The following ASH2L variants were observed in gnomAD, a reference collection of about 807,000 sequenced individuals.
The protein encoded by ASH2L is ASH2 like, histone lysine methyltransferase complex subunit.
In ASH2L, 30 loss-of-function variants were observed where a neutral mutation model predicts 81.1. The ratio of observed to expected loss-of-function variants is 0.37; its 90% CI spans 0.28 to 0.50. The LOEUF (loss-of-function observed/expected upper bound fraction) is 0.50, where lower values mean the gene tolerates loss of function less well. Ranked by LOEUF, ASH2L falls within the 20% of genes least tolerant of loss-of-function variation. The pLI is 0.95. For missense variants in ASH2L, 559 were observed against 792.1 expected, an observed-to-expected ratio of 0.71 and a Z score of 3.53; for synonymous variants, 273 against 279.9, an observed-to-expected ratio of 0.98 and a Z score of 0.24.
At chr8:38,106,242 C>G in intron 1 of ASH2L, 136 bp from the exon 2 acceptor site, 1 of 1,364,398 alleles carries the variant, frequency 7.3e-7, no homozygotes, top group South Asian at 1.2e-5. Context: ...CCTTGGGCAT[C>G]CAGTCTGAGA....
intron 9 of ASH2L, 53 bp downstream of exon 9, chr8:38,119,416 TG>T: frequency 1.4e-6 from 2 of 1,401,224 alleles, no homozygotes; most frequent in Non-Finnish European, 1.9e-6. Context: ...TATTTGGTGC[TG>T]GGAAAGTCCA....
intron 5 of ASH2L, 131 bp from the exon 6 acceptor site, chr8:38,114,061 A>G: frequency 1.7e-6 from 1 of 589,180 alleles, no homozygotes. Context: ...CTTGTATAAC[A>G]CCGTGGGGGG....
intron 9 of ASH2L, among the ~76,000 whole-genome samples, chr8:38,119,837 G>C (rs1811063908): frequency 6.6e-6 from 1 of 151,822 alleles, no homozygotes; most frequent in African/African-American, 2.4e-5. Flanking sequence ...AATAACCCCA[G>C]GCCGGGCACG....
rs1286314440 is a variant in ASH2L, at chr8:38,110,723, T to G, written c.491-16T>G. Reference sequence around the variant, plus strand: ...AGTACTACAGATAACTGTTTCTTCCTTTTTGTTTTTGATAGACTTGAAGGA... The same window carrying G: ...AGTACTACAGATAACTGTTTCTTCCGTTTTGTTTTTGATAGACTTGAAGGA... On this transcript the variant is annotated splice_polypyrimidine_tract_variant and intron_variant, in intron 4 of 15. Coordinates refer to ENST00000343823, the MANE Select transcript of ASH2L (RefSeq NM_004674.5). 23 of 1,603,934 alleles carry G rather than the reference T, an allele frequency of 1.4e-5. No homozygotes were observed. Among genetic ancestry groups the G allele is most frequent in the Non-Finnish European group, 1.9e-5 (22 of 1,172,218 alleles).
intron 10 of ASH2L, chr8:38,124,648 A>C (rs574613975): frequency 6.6e-6 from 1 of 152,006 alleles, no homozygotes; most frequent in Non-Finnish European, 1.5e-5. Context: ...ATTCTCTCCC[A>C]CCTTTTGCCA....
intron 14 of ASH2L, among the ~76,000 whole-genome samples, chr8:38,137,273 G>A (rs1201285437): frequency 1.3e-5 from 2 of 151,392 alleles, no homozygotes; most frequent in Admixed American, 6.6e-5. Context: ...TCGGCCGGGT[G>A]TGGCGGCTCA....
At chr8:38,136,375 G>GT (rs10674457) in intron 14 of ASH2L, among the ~76,000 whole-genome samples, 11,159 of 145,560 alleles carry the variant, frequency 0.077, 938 homozygotes, top group East Asian at 0.24. Context: ...CATCTGGCAA[G>GT]TTTTTTTTTT....
chr8:38,119,566 G>T (rs762654226), intron 9 of ASH2L, among the ~76,000 whole-genome samples: 3 of 152,200 alleles, frequency 2.0e-5, no homozygotes, highest in Non-Finnish European at 4.4e-5. Context: ...AGCACTTTGG[G>T]AGGTCAAGGA....
intron 10 of ASH2L, among the ~76,000 whole-genome samples, chr8:38,122,772 A>G (rs926535883): frequency 9.9e-5 from 15 of 152,170 alleles, no homozygotes; most frequent in Admixed American, 8.5e-4. Flanking sequence ...TGTTATAGAG[A>G]TCAGAGTCTC....
chr8:38,139,248 C>G lies in ASH2L; in HGVS notation c.*177C>G. On this transcript the variant is annotated 3_prime_UTR_variant, in exon 16 of 16. Transcript: ENST00000343823. ...TGCCTGCCTTTCACCATTTTCTCCC[C>G]ACTTCCAGTGACTGCTCTTATTTTG... is the stretch of plus-strand genomic sequence containing the variant. The G allele has an allele frequency of 1.8e-6, 1 of 561,544 alleles. No individual in the cohort carries two copies. The allele number at this position is 561,544 out of a possible 1,614,324, so 34.8% of individuals were successfully genotyped here. A position where few individuals can be genotyped will look rare whatever the true frequency, so the allele number is the denominator to read the frequency against.
In ASH2L at chr8:38,139,556, G is replaced by T. The variant is rs1482749893; in HGVS notation, c.*485G>T. On this transcript the variant is annotated 3_prime_UTR_variant, in exon 16 of 16. Transcript: ENST00000343823. ...TCTAAACGCTATTTCCTTTTGGTGTGGGTTTGGTTTTGTTCATTTTGAAAT... is the reference window on the plus strand; with the variant it reads ...TCTAAACGCTATTTCCTTTTGGTGTTGGTTTGGTTTTGTTCATTTTGAAAT... 1.3e-5 allele frequency: 2 copies of T among 152,878 alleles called. No homozygotes were observed. Among genetic ancestry groups the T allele is most frequent in the African/African-American group, 4.8e-5 (2 of 41,438 alleles). The allele number at this position is 152,878 out of a possible 1,614,324, so 9.5% of individuals were successfully genotyped here. A position where few individuals can be genotyped will look rare whatever the true frequency, so the allele number is the denominator to read the frequency against.
chr8:38,133,512 C>T lies in ASH2L; in HGVS notation c.1586C>T (p.Ala529Val). Residue 529 changes from alanine to valine, a missense_variant, in exon 13 of 16, where the codon GCA (alanine) becomes GTA (valine). Transcript: ENST00000343823. ...GAGGAAAAAGACTTTGTGGATAAAG[C>T]AGAGAAGAGCCTGAAGCAGACTCCC... is the stretch of plus-strand genomic sequence containing the variant. ...YFEEKDFVDK[A>V]EKSLKQTPHS... is the part of the protein sequence containing the mutation. 6.2e-7 allele frequency: 1 copy of T among 1,611,452 alleles called. No individual in the cohort carries two copies. The highest frequency in any genetic ancestry group is 8.5e-7 in the Non-Finnish European group (1 of 1,179,752).
At chr8:38,119,060 G>A in intron 8 of ASH2L, 1 of 479,608 alleles carries the variant, frequency 2.1e-6, no homozygotes, top group Non-Finnish European at 3.7e-6. Context: ...GGATTCATTT[G>A]AGTTTATTGC....
chr8:38,134,723 GA>G (rs530894834), intron 13 of ASH2L, among the ~76,000 whole-genome samples: 1 of 151,354 alleles, frequency 6.6e-6, no homozygotes, highest in South Asian at 2.1e-4. Flanking sequence ...AGATGGAGGT[GA>G]AATAAAGAAA....
chr8:38,115,522 C>G (rs1030497747), intron 7 of ASH2L, among the ~76,000 whole-genome samples: 2 of 152,134 alleles, frequency 1.3e-5, no homozygotes, highest in African/African-American at 4.8e-5. Flanking sequence ...CAAGATTCAG[C>G]CCGGTGCAGT....
intron 10 of ASH2L, chr8:38,124,102 A>G (rs1275446898): frequency 6.6e-6 from 1 of 152,162 alleles, no homozygotes; most frequent in Non-Finnish European, 1.5e-5. Context: ...CAGCCTCCCA[A>G]AGTGCTGGGA....
At chr8:38,105,760 G>A (rs1406475490) in intron 1 of ASH2L, 22 bp downstream of exon 1, 2 of 1,502,668 alleles carry the variant, frequency 1.3e-6, no homozygotes, top group African/African-American at 1.4e-5. Flanking sequence ...TGCCGCCCGA[G>A]GAAGACGCGG....
chr8:38,129,345 G>A (rs1462560580), intron 12 of ASH2L, among the ~76,000 whole-genome samples: 2 of 152,066 alleles, frequency 1.3e-5, no homozygotes, highest in African/African-American at 2.4e-5. Flanking sequence ...TGAAATGTAG[G>A]ATCCACTAGG....
In ASH2L at chr8:38,137,866, A is replaced by G. The variant is rs866311134; in HGVS notation, c.1720-950A>G. Reference sequence around the variant, plus strand: ...AACTATCTGAGACAGATCTCAATCAATTTAGAAGTTTATTTTGCCAAAGTT... The same window carrying G: ...AACTATCTGAGACAGATCTCAATCAGTTTAGAAGTTTATTTTGCCAAAGTT... On this transcript the variant is annotated intron_variant, in intron 14 of 15. Coordinates refer to ENST00000343823, the MANE Select transcript of ASH2L (RefSeq NM_004674.5). 2 of 152,442 alleles carry G rather than the reference A, an allele frequency of 1.3e-5. 1 individual carries two copies. 9.4% of individuals were successfully genotyped at this position (152,442 alleles called of 1,614,324 possible). A position where few individuals can be genotyped will look rare whatever the true frequency, so the allele number is the denominator to read the frequency against.
Sources: gnomAD v4.1 joint callset for allele counts (sites outside exome capture counted in the v4.1 genomes callset) on GRCh38, gnomAD v4.1.1 for gene constraint, MANE v1.5 for transcripts, NCBI Gene and HGNC (gene_info 2026-07-23, HGNC 2026-07-21) for gene names.